Variants in RAB7A observed in about 807,000 individuals in gnomAD.
RAB7A encodes ras-related protein Rab-7a.
A neutral mutation model predicts 24.5 loss-of-function variants in RAB7A; 2 were observed. The ratio of observed to expected loss-of-function variants is 0.08; its 90% CI spans 0.03 to 0.26. The LOEUF is 0.26. Ranked by LOEUF, RAB7A falls within the 10% of genes least tolerant of loss-of-function variation. RAB7A has a pLI of 1.00. For missense variants in RAB7A, 118 were observed against 255.7 expected, an observed-to-expected ratio of 0.46 and a Z score of 3.67; for synonymous variants, 100 against 95.9, an observed-to-expected ratio of 1.04 and a Z score of -0.25.
intron 2 of RAB7A, among the ~76,000 whole-genome samples, chr3:128,797,154 C>A (rs1306364413): frequency 6.6e-6 from 1 of 152,186 alleles, no homozygotes; most frequent in African/African-American, 2.4e-5. Context: ...GGTTTTGCCA[C>A]CTCTCACCTT....
chr3:128,794,550 C>CTGAG (rs1209987951), intron 1 of RAB7A, among the ~76,000 whole-genome samples: 4 of 152,330 alleles, frequency 2.6e-5, no homozygotes, highest in African/African-American at 9.6e-5. Flanking sequence ...AGTAGTTCTT[C>CTGAG]TGAGTCCCAT....
chr3:128,739,418 CAGG>C (rs1197720963), intron 1 of RAB7A, among the ~76,000 whole-genome samples: 2 of 151,536 alleles, frequency 1.3e-5, no homozygotes, highest in Non-Finnish European at 2.9e-5. Flanking sequence ...GAGGGTAAGG[CAGG>C]AGAATTGCTT....
intron 1 of RAB7A, chr3:128,764,799 C>A: frequency 3.4e-6 from 3 of 879,974 alleles, no homozygotes; most frequent in South Asian, 2.6e-5. Context: ...GATAGTTTTG[C>A]AGCTTCATCA....
intron 2 of RAB7A, among the ~76,000 whole-genome samples, chr3:128,796,190 C>T (rs1241141190): frequency 6.6e-6 from 1 of 152,144 alleles, no homozygotes; most frequent in Non-Finnish European, 1.5e-5. Flanking sequence ...ACTCTAATGG[C>T]TCTTAAGATT....
intron 1 of RAB7A, among the ~76,000 whole-genome samples, chr3:128,728,939 C>T (rs888396755): frequency 2.0e-5 from 3 of 152,126 alleles, no homozygotes; most frequent in Non-Finnish European, 4.4e-5. Context: ...CAGTACCATT[C>T]TACATAGAAA....
At chr3:128,812,157 C>CT (rs1388683000) in intron 5 of RAB7A, among the ~76,000 whole-genome samples, 1 of 152,182 alleles carries the variant, frequency 6.6e-6, no homozygotes, top group Non-Finnish European at 1.5e-5. Context: ...CCCAGCAAAG[C>CT]TATTAGGAGT....
chr3:128,805,060 G>A (rs1444938935), intron 3 of RAB7A, among the ~76,000 whole-genome samples: 3 of 152,158 alleles, frequency 2.0e-5, no homozygotes, highest in African/African-American at 7.2e-5. Context: ...AAACCTCCGC[G>A]CATATGACTA....
At chr3:128,782,340 C>T (rs1296919489) in intron 1 of RAB7A, among the ~76,000 whole-genome samples, 3 of 152,106 alleles carry the variant, frequency 2.0e-5, no homozygotes, top group African/African-American at 7.2e-5. Context: ...CTGCACATGC[C>T]AGAACCGTTC....
intron 1 of RAB7A, among the ~76,000 whole-genome samples, chr3:128,794,211 G>A (rs1933520597): frequency 6.6e-6 from 1 of 152,156 alleles, no homozygotes; most frequent in Non-Finnish European, 1.5e-5. Flanking sequence ...TCTGTGTTCT[G>A]TTACTCATCT....
At chr3:128,784,163 T>C (rs1433483522) in intron 1 of RAB7A, among the ~76,000 whole-genome samples, 1 of 152,242 alleles carries the variant, frequency 6.6e-6, no homozygotes, top group Non-Finnish European at 1.5e-5. Context: ...CCACTGTATC[T>C]TTAAAAATAG....
At chr3:128,789,225 C>T (rs908249100) in intron 1 of RAB7A, among the ~76,000 whole-genome samples, 4 of 151,966 alleles carry the variant, frequency 2.6e-5, no homozygotes, top group African/African-American at 9.7e-5. Flanking sequence ...TTATGTAACT[C>T]TTTCTTCCTT....
At chr3:128,781,078 A>G (rs1230522120) in intron 1 of RAB7A, among the ~76,000 whole-genome samples, 2 of 152,246 alleles carry the variant, frequency 1.3e-5, no homozygotes, top group Non-Finnish European at 2.9e-5. Context: ...AGTTTTAGGT[A>G]GTATATAGCT....
chr3:128,783,993 A>G lies in RAB7A; in HGVS notation c.-8-11367A>G, dbSNP rs528739825. ...GGGCCACCAGACAGCAGACCTCTAG[A>G]TGGCAGGTCCAGCCATCTCTTCTCT... On this transcript the variant is annotated intron_variant, in intron 1 of 5. Coordinates refer to ENST00000265062, the MANE Select transcript of RAB7A (RefSeq NM_004637.6). Among the ~76,000 whole-genome samples, 20 of 152,236 alleles carry G rather than the reference A, an allele frequency of 1.3e-4. No homozygotes were observed. The South Asian group carries it at 2.3e-3, about 17-fold the overall frequency.
At chr3:128,726,811 C>T (rs2070385272) in intron 1 of RAB7A, among the ~76,000 whole-genome samples, 1 of 152,204 alleles carries the variant, frequency 6.6e-6, no homozygotes, top group Admixed American at 6.5e-5. Context: ...CCATCCGGTT[C>T]TTCAGTTGAA....
intron 1 of RAB7A, among the ~76,000 whole-genome samples, chr3:128,770,895 C>T (rs1264780332): frequency 2.0e-5 from 3 of 151,912 alleles, no homozygotes; most frequent in African/African-American, 7.2e-5. Context: ...CATTTGGGAA[C>T]TGATTGCTTG....
intron 1 of RAB7A, among the ~76,000 whole-genome samples, chr3:128,731,680 GCCCTAAAGACCACGACATTTCA>G (rs2070438228): frequency 6.6e-6 from 1 of 152,034 alleles, no homozygotes; most frequent in African/African-American, 2.4e-5. Flanking sequence ...ATATGCTAGT[GCCCTAAAGACCACGACATTTCA>G]CCCCTTGTAA....
In RAB7A at chr3:128,813,611, A is replaced by ACG; in HGVS notation, c.*190_*191insGC. The ACG allele has an allele frequency of 4.9e-6, 3 of 611,194 alleles. No homozygotes were observed. The highest frequency in any genetic ancestry group is 9.1e-6 in the Non-Finnish European group (3 of 328,276). 37.9% of individuals were successfully genotyped at this position (611,194 alleles called of 1,614,324 possible). ...CACACACACACACACACGCACACAC[A>ACG]CACACACAGATCTGACGTAATCAAA... On this transcript the variant is annotated 3_prime_UTR_variant, in exon 6 of 6. Coordinates refer to ENST00000265062, the MANE Select transcript of RAB7A (RefSeq NM_004637.6).
chr3:128,762,838 T>C (rs372647454), intron 1 of RAB7A, among the ~76,000 whole-genome samples: 3 of 152,190 alleles, frequency 2.0e-5, no homozygotes, highest in Admixed American at 1.3e-4. Context: ...GTCAGACATA[T>C]ACAAAGCAAA....
intron 1 of RAB7A, among the ~76,000 whole-genome samples, chr3:128,758,273 T>C (rs1035321958): frequency 7.6e-6 from 1 of 131,280 alleles, no homozygotes; most frequent in Non-Finnish European, 1.6e-5. Context: ...TTTGTTTTTT[T>C]GTTTTTTTTT....
Sources: allele counts gnomAD v4.1 joint callset (sites outside exome capture counted in the v4.1 genomes callset), GRCh38; gene constraint gnomAD v4.1.1; transcripts MANE v1.5; gene names NCBI Gene and HGNC (gene_info 2026-07-23, HGNC 2026-07-21).